Variants in PASD1 observed in about 807,000 individuals in gnomAD.
PASD1 encodes the protein circadian clock protein PASD1.
In PASD1, 13 loss-of-function variants were observed where a neutral mutation model predicts 58.8. The observed-to-expected ratio is 0.22, with a 90% CI of 0.14 to 0.35. The LOEUF (loss-of-function observed/expected upper bound fraction) is 0.35. Ranked by LOEUF, PASD1 falls within the 10% of genes least tolerant of loss-of-function variation. The pLI, the probability that PASD1 is intolerant of heterozygous loss-of-function variation, is 1.00. For synonymous variants in PASD1, 236 were observed against 216.7 expected (o/e 1.09, Z -0.78); for missense variants, 734 against 568.3 (o/e 1.29, Z -2.96).
At position 151,629,266 on chromosome X, in the gene PASD1, C is replaced by T. The variant is rs747435727; in HGVS notation, c.629+3736C>T. On this transcript the variant is annotated intron_variant, in intron 8 of 15. Transcript: ENST00000370357. ...TCCTGAGTAGCTGGGATTACAGGCA[C>T]GTACCACCACGCCTGGCTACTTTTT... 3.1e-3 allele frequency among the ~76,000 whole-genome samples: 347 copies of T among 110,970 alleles called. 3 individuals carry two copies. The highest frequency in any genetic ancestry group is 5.4e-3 in the Non-Finnish European group (286 of 52,961).
At chrX:151,604,785 A>G (rs768854394) in intron 3 of PASD1, 51 bp downstream of exon 3, 5 of 933,271 alleles carry the variant, frequency 5.4e-6, no homozygotes, top group Non-Finnish European at 3.1e-6. Context: ...TACATGTAAT[A>G]GAAGACAAAG....
At chrX:151,642,231 T>A (rs1478188829) in intron 8 of PASD1, among the ~76,000 whole-genome samples, 2 of 111,908 alleles carry the variant, frequency 1.8e-5, no homozygotes, top group Non-Finnish European at 3.8e-5. Context: ...TTGCCTCTGC[T>A]GTCATTGGAG....
At chrX:151,653,754 CTTT>C (rs1469375282) in intron 9 of PASD1, among the ~76,000 whole-genome samples, 12 of 2,968 alleles carry the variant, frequency 4.0e-3, no homozygotes, top group African/African-American at 5.6e-3. Flanking sequence ...TTCCTTCCTT[CTTT>C]CTTTCTTTCT....
At chrX:151,611,519 A>C in intron 3 of PASD1, 145 bp from the exon 4 acceptor site, 1 of 385,272 alleles carries the variant, frequency 2.6e-6, no homozygotes, top group Non-Finnish European at 4.4e-6. Flanking sequence ...ATGGAATTTT[A>C]ATTAAGTCTG....
chrX:151,576,470 A>G (rs1250908583), intron 1 of PASD1, among the ~76,000 whole-genome samples: 3 of 112,611 alleles, frequency 2.7e-5, no homozygotes, highest in Non-Finnish European at 5.6e-5. Context: ...TAATAAAATT[A>G]TCTGTTTATG....
At chrX:151,664,093 G>A (rs761054375) in intron 10 of PASD1, 26 bp from the exon 11 acceptor site, 4 of 1,209,651 alleles carry the variant, frequency 3.3e-6, no homozygotes, top group Non-Finnish European at 4.5e-6. Context: ...TTTAAGTCAT[G>A]AACTCCCCTG....
intron 1 of PASD1, among the ~76,000 whole-genome samples, chrX:151,585,572 A>G (rs1242403622): frequency 9.0e-6 from 1 of 111,038 alleles, no homozygotes; most frequent in Non-Finnish European, 1.9e-5. Context: ...GAGGCCTGGC[A>G]TTGAGGATTG....
In PASD1 at chrX:151,676,198, A is replaced by C. The variant is rs1216354813; in HGVS notation, c.*55A>C. 1.8e-6 allele frequency: 2 copies of C among 1,122,464 alleles called. No individual in the cohort carries two copies. The highest frequency in any genetic ancestry group is 2.4e-6 in the Non-Finnish European group (2 of 836,036). 92.5% of individuals were successfully genotyped at this position (1,122,464 alleles called of 1,213,427 possible). Reference sequence around the variant, plus strand: ...AATGGGGGGAGGGGGCAGGCCAATGAGGTCTGCATGGCCAGGGGACCTTCA... The same window carrying C: ...AATGGGGGGAGGGGGCAGGCCAATGCGGTCTGCATGGCCAGGGGACCTTCA... On this transcript the variant is annotated 3_prime_UTR_variant, in exon 16 of 16. Coordinates refer to ENST00000370357, the MANE Select transcript of PASD1 (RefSeq NM_173493.3).
At chrX:151,575,796 C>G (rs2012995823) in intron 1 of PASD1, among the ~76,000 whole-genome samples, 1 of 110,351 alleles carries the variant, frequency 9.1e-6, no homozygotes, top group African/African-American at 3.3e-5. Flanking sequence ...CAGTGAATAG[C>G]TGGGACTACA....
chrX:151,608,751 T>C (rs1362390628), intron 3 of PASD1, among the ~76,000 whole-genome samples: 1 of 111,957 alleles, frequency 8.9e-6, no homozygotes, highest in East Asian at 2.8e-4. Context: ...GATTTCATTC[T>C]TTAATGATGA....
chrX:151,673,942 C>T lies in PASD1; in HGVS notation c.1931C>T (p.Ala644Val), dbSNP rs1358645681. 8.3e-6 allele frequency: 10 copies of T among 1,211,181 alleles called. No individual in the cohort carries two copies. The highest frequency in any genetic ancestry group is 1.8e-5 in the South Asian group (1 of 56,940). ...TTCTCTTACAGTTTTTATCCTGAGG[C>T]GTATCAAGGGCCCCCCGTGAACCAG... ...EDESQSFYPE[A>V]YQGPPVNQLP... Residue 644 changes from alanine (A) to valine (V), a missense_variant, in exon 15 of 16, where the codon GCG becomes GTG. Physicochemically the swap from Ala to Val is moderately conservative, Grantham distance 64. Coordinates refer to ENST00000370357, the MANE Select transcript of PASD1 (RefSeq NM_173493.3).
At chrX:151,667,715 GCT>G (rs2014402774) in intron 11 of PASD1, among the ~76,000 whole-genome samples, 1 of 111,253 alleles carries the variant, frequency 9.0e-6, no homozygotes, top group African/African-American at 3.3e-5. Flanking sequence ...ATTTCTGAGG[GCT>G]CTGTTCTGTT....
intron 1 of PASD1, among the ~76,000 whole-genome samples, chrX:151,587,052 G>C (rs1320284420): frequency 9.0e-6 from 1 of 111,687 alleles, no homozygotes; most frequent in African/African-American, 3.3e-5. Context: ...GGACCATCTA[G>C]AAACTTGAAA....
intron 8 of PASD1, among the ~76,000 whole-genome samples, chrX:151,647,174 T>C (rs1162647049): frequency 9.0e-6 from 1 of 111,500 alleles, no homozygotes; most frequent in Non-Finnish European, 1.9e-5. Context: ...GGTAGAGCTG[T>C]GGGAGTCACG....
At chrX:151,586,994 C>T (rs1349635383) in intron 1 of PASD1, among the ~76,000 whole-genome samples, 2 of 111,146 alleles carry the variant, frequency 1.8e-5, no homozygotes, top group Admixed American at 9.6e-5. Context: ...TGGGATTAAT[C>T]GTTTAATGGA....
intron 2 of PASD1, 57 bp from the exon 3 acceptor site, chrX:151,604,589 C>G: frequency 1.2e-6 from 1 of 837,670 alleles, no homozygotes. Context: ...ATCTAATACC[C>G]ATAGCTAATC....
chrX:151,565,357 T>C (rs754135448), intron 1 of PASD1, among the ~76,000 whole-genome samples: 13 of 111,353 alleles, frequency 1.2e-4, no homozygotes, highest in Non-Finnish European at 2.3e-4. Flanking sequence ...AATCTGTCAG[T>C]ACTTACTTAG....
chrX:151,612,469 C>G (rs1293923843), intron 4 of PASD1, among the ~76,000 whole-genome samples: 8 of 109,930 alleles, frequency 7.3e-5, no homozygotes, highest in Admixed American at 9.7e-5. Context: ...CACATCCTCT[C>G]CAGCACCTGT....
Position 151,604,693 on chromosome X carries a change from T to G in PASD1, c.76T>G (p.Ser26Ala). 1 of 1,209,269 alleles carries G rather than the reference T, an allele frequency of 8.3e-7. No homozygotes were observed. Among genetic ancestry groups the G allele is most frequent in the East Asian group, 3.0e-5 (1 of 33,842 alleles). ...SSQRKLNWIP[S>A]FPTYDYFNQV... ...TCAAAGGAAATTAAACTGGATTCCA[T>G]CATTTCCTACCTATGATTACTTCAA... Residue 26 changes from serine to alanine, a missense_variant, in exon 3 of 16, where the codon TCA (serine) becomes GCA (alanine). Physicochemically the swap from Ser to Ala is moderately conservative, Grantham distance 99. Transcript: ENST00000370357.
Sources: gnomAD v4.1 joint callset for allele counts (sites outside exome capture counted in the v4.1 genomes callset) on GRCh38, gnomAD v4.1.1 for gene constraint, MANE v1.5 for transcripts, NCBI Gene and HGNC (gene_info 2026-07-23, HGNC 2026-07-21) for gene names.